SETD9: variants seen among roughly 807,000 people sequenced by gnomAD.
SETD9 encodes SET domain containing 9.
In SETD9, 37 loss-of-function variants were observed where a neutral mutation model predicts 36.4. The ratio of observed to expected loss-of-function variants is 1.02; its 90% CI spans 0.78 to 1.34. The LOEUF (loss-of-function observed/expected upper bound fraction) is 1.34, where lower values mean the gene tolerates loss of function less well. Among genes scored for constraint, SETD9 ranks in the 40% most tolerant of loss-of-function variants. The probability of loss-of-function intolerance (pLI) is 0.00; values close to 1 mark genes in which losing one functional copy is unlikely to be tolerated. For synonymous variants in SETD9, 128 were observed against 132.9 expected (o/e 0.96, Z 0.26); for missense variants, 323 against 353.2 (o/e 0.91, Z 0.69).
downstream of SETD9, chr5:56,920,036 T>C (rs1033003348): frequency 3.9e-5 from 6 of 152,632 alleles, no homozygotes; most frequent in African/African-American, 1.4e-4. Context: ...ACATTCAAAG[T>C]TGAAATATTC....
At chr5:56,925,940 C>T (rs1313822939), downstream of SETD9, among the ~76,000 whole-genome samples, 3 of 151,822 alleles carry the variant, frequency 2.0e-5, no homozygotes, top group Non-Finnish European at 4.4e-5. Flanking sequence ...AGAAATACAC[C>T]CCACGGGTAC....
intron 5 of SETD9, chr5:56,923,624 A>G: frequency 6.2e-7 from 1 of 1,612,786 alleles, no homozygotes; most frequent in Non-Finnish European, 8.5e-7. Context: ...AAGTGGTCCT[A>G]TGACATCAAA....
chr5:56,918,381 T>A (rs905815374), downstream of SETD9, among the ~76,000 whole-genome samples: 11 of 152,288 alleles, frequency 7.2e-5, no homozygotes, highest in South Asian at 1.9e-3. Flanking sequence ...CACTGAAATT[T>A]ACAATCCCTC....
chr5:56,923,788 C>G, intron 5 of SETD9: 2 of 1,614,184 alleles, frequency 1.2e-6, no homozygotes, highest in Non-Finnish European at 1.7e-6. Flanking sequence ...CATTTACCGT[C>G]CCACCCAAAG....
upstream of SETD9, chr5:56,909,478 GA>G: frequency 1.9e-6 from 1 of 533,392 alleles, no homozygotes; most frequent in Non-Finnish European, 3.3e-6. Flanking sequence ...CAGGAAAGGG[GA>G]AGGACGAAGC....
intron 5 of SETD9, chr5:56,923,876 T>A (rs1427398007): frequency 6.2e-7 from 1 of 1,613,852 alleles, no homozygotes; most frequent in African/African-American, 1.3e-5. Flanking sequence ...TATATTACAG[T>A]TAAAAGTAAG....
At chr5:56,913,177 C>G (rs1749240522) in intron 3 of SETD9, 43 bp downstream of exon 3, 1 of 1,594,858 alleles carries the variant, frequency 6.3e-7, no homozygotes, top group African/African-American at 1.4e-5. Flanking sequence ...GGAGACAGAA[C>G]CGCACTTACC....
At position 56,916,927 on chromosome 5, in the gene SETD9, T is replaced by C; in HGVS notation, c.*25T>C. 2 of 1,581,182 alleles carry C rather than the reference T, an allele frequency of 1.3e-6. No homozygotes were observed. Among genetic ancestry groups the C allele is most frequent in the Non-Finnish European group, 1.7e-6 (2 of 1,169,058 alleles). ...ACTCTGTGAATCAGAAATTATTAGG[T>C]TTTCTACTCAGCTATTAATTCTAAG... On this transcript the variant is annotated 3_prime_UTR_variant, in exon 6 of 6. Coordinates refer to ENST00000285947, the MANE Select transcript of SETD9 (RefSeq NM_153706.4).
chr5:56,923,508 T>G, intron 5 of SETD9: 1 of 1,614,176 alleles, frequency 6.2e-7, no homozygotes, highest in Non-Finnish European at 8.5e-7. Context: ...CGGGGTGTGT[T>G]GCCCAGTGGA....
downstream of SETD9, chr5:56,928,386 A>C (rs1342569719): frequency 6.5e-6 from 1 of 154,862 alleles, no homozygotes; most frequent in Non-Finnish European, 1.4e-5. Context: ...ATATGTTTCT[A>C]GTTGTTTTAG....
rs770727785 is a variant in SETD9, at chr5:56,911,177, G to C, written c.107G>C (p.Arg36Pro). The C allele has an allele frequency of 6.5e-7, 1 of 1,540,802 alleles. No homozygotes were observed. Among genetic ancestry groups the C allele is most frequent in the South Asian group, 1.3e-5 (1 of 77,256 alleles). The part of the protein sequence containing the change: ...LNLSHNPRTL[R>P]YVPEESKDKV... ...ACTTTTCCCATTTTCAGGACCCTCC[G>C]ATATGTTCCAGAGGAATCCAAAGAC... Residue 36 changes from arginine to proline, a missense_variant, in exon 2 of 6, where the codon CGA becomes CCA. Physicochemically the swap from Arg to Pro is moderately radical, Grantham distance 103. Transcript: ENST00000285947.
At chr5:56,915,013 T>C in intron 5 of SETD9, 47 bp downstream of exon 5, 1 of 1,344,294 alleles carries the variant, frequency 7.4e-7, no homozygotes, top group Non-Finnish European at 1.0e-6. Context: ...TATGCTGTAC[T>C]TAAAAAAATA....
intron 2 of SETD9, 97 bp from the exon 3 acceptor site, chr5:56,912,914 T>G: frequency 3.0e-6 from 4 of 1,324,666 alleles, no homozygotes; most frequent in Non-Finnish European, 4.2e-6. Context: ...AGAAAGTAAC[T>G]AAAGAGAATG....
chr5:56,914,590 GTTA>G (rs760327259), intron 4 of SETD9, among the ~76,000 whole-genome samples: 6 of 151,734 alleles, frequency 4.0e-5, no homozygotes, highest in East Asian at 1.9e-4. Context: ...CTAAACATAT[GTTA>G]TTATATATGT....
rs1462813603 is a variant in SETD9 at position 56,911,346 on chromosome 5, T to G, written c.276T>G (p.Val92=). The part of the protein sequence containing the change: ...VKSKYQDLLA[V]EHQGVKLLEN... ...CAAAATATCAAGACCTACTGGCAGTTGAACATCAAGGGGTGAAACTGCTTG... is the reference window on the plus strand; with the variant it reads ...CAAAATATCAAGACCTACTGGCAGTGGAACATCAAGGGGTGAAACTGCTTG... Residue 92 remains valine (V), a synonymous_variant, in exon 2 of 6, where the codon GTT becomes GTG. Transcript: ENST00000285947. 7.4e-6 allele frequency: 12 copies of G among 1,611,510 alleles called. No homozygotes were observed. The highest frequency in any genetic ancestry group is 9.3e-6 in the Non-Finnish European group (11 of 1,179,186).
At chr5:56,911,577 C>G in intron 2 of SETD9, 41 bp downstream of exon 2, 2 of 1,480,818 alleles carry the variant, frequency 1.4e-6, no homozygotes, top group Non-Finnish European at 1.8e-6. Context: ...AAGCTTCTTA[C>G]GTATTGATAA....
At chr5:56,923,683 C>T (rs761853637) in intron 5 of SETD9, 18 of 1,614,032 alleles carry the variant, frequency 1.1e-5, no homozygotes, top group Non-Finnish European at 1.4e-5. Flanking sequence ...GAAAGGTCTT[C>T]ATTTTACCTG....
chr5:56,919,327 T>C (rs1422945763), downstream of SETD9, among the ~76,000 whole-genome samples: 2 of 152,104 alleles, frequency 1.3e-5, no homozygotes, highest in Non-Finnish European at 2.9e-5. Flanking sequence ...GGTTTCACTA[T>C]GTTGGTCAGG....
At chr5:56,914,618 GTAA>G (rs1307588578) in intron 4 of SETD9, among the ~76,000 whole-genome samples, 2 of 151,792 alleles carry the variant, frequency 1.3e-5, no homozygotes, top group Non-Finnish European at 2.9e-5. Context: ...TATGCAAAAA[GTAA>G]TAAAACATGT....
Sources: allele counts gnomAD v4.1 joint callset (sites outside exome capture counted in the v4.1 genomes callset), GRCh38; gene constraint gnomAD v4.1.1; transcripts MANE v1.5; gene names NCBI Gene and HGNC (gene_info 2026-07-23, HGNC 2026-07-21).